The following LAMB1 variants were observed in gnomAD, a reference collection of about 807,000 sequenced individuals.
The protein encoded by LAMB1 is laminin subunit beta 1.
Under a neutral mutation model 222.3 loss-of-function variants are expected in LAMB1, and 121 were observed. That is an observed-to-expected ratio of 0.54 (90% CI 0.47 to 0.63). The LOEUF (loss-of-function observed/expected upper bound fraction) is 0.63. LAMB1 is among the 30% of genes least tolerant of loss of function. LAMB1 has a pLI of 0.00. For missense variants in LAMB1, 2,172 were observed against 2,240.8 expected (o/e 0.97, Z 0.62); for synonymous variants, 794 against 807.2 (o/e 0.98, Z 0.28).
intron 29 of LAMB1, 167 bp from the exon 30 acceptor site, chr7:107,929,786 A>AAC: frequency 3.5e-6 from 2 of 574,146 alleles, no homozygotes; most frequent in Non-Finnish European, 6.1e-6. Context: ...TTGAGGGGAG[A>AAC]TGAGACCTAC....
At chr7:107,964,871 C>T (rs555991259) in intron 13 of LAMB1, among the ~76,000 whole-genome samples, 184 bp from the exon 14 acceptor site, 3 of 152,330 alleles carry the variant, frequency 2.0e-5, no homozygotes, top group South Asian at 2.1e-4. Context: ...ACTCCAGAAG[C>T]GTGGCTGAGA....
chr7:108,002,819 C>A (rs1359334869), intron 2 of LAMB1, 30 bp downstream of exon 2: 4 of 1,613,748 alleles, frequency 2.5e-6, no homozygotes, highest in Non-Finnish European at 2.5e-6. Flanking sequence ...CAAGTCCGTC[C>A]GCCTCCCCGC....
At chr7:107,948,628 G>A (rs1182522095) in intron 24 of LAMB1, among the ~76,000 whole-genome samples, 3 of 152,136 alleles carry the variant, frequency 2.0e-5, no homozygotes, top group Non-Finnish European at 2.9e-5. Flanking sequence ...ATGCAGAGAG[G>A]ACTGGAAAGA....
intron 24 of LAMB1, among the ~76,000 whole-genome samples, chr7:107,941,868 T>G (rs2032991664): frequency 1.7e-5 from 2 of 119,750 alleles, no homozygotes; most frequent in Admixed American, 1.1e-4. Flanking sequence ...TAAGAGACGG[T>G]GTTTCTCCAT....
chr7:107,974,934 A>G, intron 12 of LAMB1, 52 bp downstream of exon 12: 2 of 1,055,564 alleles, frequency 1.9e-6, no homozygotes, highest in South Asian at 2.5e-5. Flanking sequence ...TTCTCTATTA[A>G]AACATGTCAT....
intron 4 of LAMB1, among the ~76,000 whole-genome samples, 154 bp downstream of exon 4, chr7:107,998,203 C>G (rs1396816731): frequency 2.0e-5 from 3 of 152,060 alleles, no homozygotes; most frequent in East Asian, 3.9e-4. Context: ...AAGATTTTAC[C>G]AAGAGAAGTT....
intron 21 of LAMB1, among the ~76,000 whole-genome samples, chr7:107,954,036 C>T (rs563129227): frequency 2.0e-5 from 3 of 152,256 alleles, no homozygotes; most frequent in South Asian, 2.1e-4. Flanking sequence ...GAGGCCACAG[C>T]GGCTGTGGAC....
intron 24 of LAMB1, 111 bp from the exon 25 acceptor site, chr7:107,940,469 C>T (rs1212329975): frequency 3.1e-5 from 37 of 1,182,000 alleles, no homozygotes; most frequent in Non-Finnish European, 3.9e-5. Flanking sequence ...TGTCAACCAT[C>T]GACAACAATT....
At chr7:107,984,335 A>G (rs1260967978) in intron 7 of LAMB1, among the ~76,000 whole-genome samples, 3 of 151,682 alleles carry the variant, frequency 2.0e-5, no homozygotes, top group African/African-American at 7.3e-5. Flanking sequence ...TGCAACCTCC[A>G]CCTCCTGGGT....
rs770553789 is a variant in LAMB1 at position 107,986,209 on chromosome 7, C to T, written c.578G>A (p.Arg193Gln). Reference protein sequence around the residue: ...KKVDDIICDSRYSDIEPSTEG... With the variant: ...KKVDDIICDSQYSDIEPSTEG... Reference sequence around the variant, plus strand: ...AGTTGAGGGTTCAATGTCAGAATATCGAGAATCACAAATTATGTCATCGAC... The same window carrying T: ...AGTTGAGGGTTCAATGTCAGAATATTGAGAATCACAAATTATGTCATCGAC... Residue 193 changes from arginine to glutamine, a missense_variant, in exon 6 of 34, where the codon CGA (arginine) becomes CAA (glutamine). By Grantham distance (43) the Arg-to-Gln change is conservative. Transcript: ENST00000222399. 8 of 1,614,102 alleles carry T rather than the reference C, an allele frequency of 5.0e-6. No homozygotes were observed. Among genetic ancestry groups the T allele is most frequent in the East Asian group, 2.2e-5 (1 of 44,880 alleles).
chr7:107,990,856 C>T, intron 5 of LAMB1, among the ~76,000 whole-genome samples: 1 of 152,140 alleles, frequency 6.6e-6, no homozygotes, highest in Admixed American at 6.5e-5. Context: ...TACAGGACTC[C>T]TGGGTTGCAG....
chr7:107,951,933 G>T, intron 23 of LAMB1, 76 bp downstream of exon 23: 1 of 1,266,822 alleles, frequency 7.9e-7, no homozygotes, highest in Non-Finnish European at 1.1e-6. Flanking sequence ...CTGGTGCCTT[G>T]CTCTAACTGG....
intron 33 of LAMB1, 70 bp from the exon 34 acceptor site, chr7:107,924,157 T>C: frequency 6.5e-7 from 1 of 1,529,224 alleles, no homozygotes; most frequent in Non-Finnish European, 8.8e-7. Flanking sequence ...AAAGTGAATA[T>C]ATTTTTCACT....
At chr7:107,959,906 C>T in intron 18 of LAMB1, 72 bp from the exon 19 acceptor site, 1 of 1,520,644 alleles carries the variant, frequency 6.6e-7, no homozygotes, top group East Asian at 2.4e-5. Context: ...ATCCTTTCTC[C>T]TTTAACTACT....
chr7:107,986,654 G>A (rs1191899275), intron 5 of LAMB1, among the ~76,000 whole-genome samples: 3 of 152,104 alleles, frequency 2.0e-5, no homozygotes, highest in Non-Finnish European at 4.4e-5. Context: ...ACACACTTTC[G>A]TATATTTAGT....
At chr7:107,962,779 T>C (rs181798049) in intron 15 of LAMB1, 126 bp downstream of exon 15, 27 of 583,992 alleles carry the variant, frequency 4.6e-5, no homozygotes, top group Non-Finnish European at 5.9e-5. Context: ...GGTGAGACTA[T>C]AGGAATCTGA....
chr7:107,991,905 CAAAAAAAA>C (rs71134302), intron 5 of LAMB1, among the ~76,000 whole-genome samples: 3 of 91,992 alleles, frequency 3.3e-5, no homozygotes, highest in South Asian at 4.5e-4. Context: ...GACTTCGTCT[CAAAAAAAA>C]AAAAAAAAAA....
chr7:107,939,024 A>T (rs1192441441), intron 25 of LAMB1, among the ~76,000 whole-genome samples: 1 of 152,164 alleles, frequency 6.6e-6, no homozygotes, highest in East Asian at 1.9e-4. Flanking sequence ...AAAAAATGTT[A>T]CTGTCATTTC....
At chr7:107,937,819 C>A (rs535355519) in intron 25 of LAMB1, among the ~76,000 whole-genome samples, 59 of 152,302 alleles carry the variant, frequency 3.9e-4, no homozygotes, top group African/African-American at 1.4e-3. Flanking sequence ...AGAGGGGCCT[C>A]CTTCTACCAA....
Sources: allele counts gnomAD v4.1 joint callset (sites outside exome capture counted in the v4.1 genomes callset), GRCh38; gene constraint gnomAD v4.1.1; transcripts MANE v1.5; gene names NCBI Gene and HGNC (gene_info 2026-07-23, HGNC 2026-07-21).